ETV6: variants seen among roughly 807,000 people sequenced by gnomAD.
ETV6 encodes transcription factor ETV6.
A neutral mutation model predicts 51.1 loss-of-function variants in ETV6; 16 were observed. That is an observed-to-expected ratio of 0.31 (90% CI 0.21 to 0.48). ETV6 has a LOEUF of 0.48. Ranked by LOEUF, ETV6 falls within the 20% of genes least tolerant of loss-of-function variation. The pLI is 0.99. For missense variants in ETV6, 458 were observed against 594.8 expected (o/e 0.77, Z 2.39); for synonymous variants, 240 against 224.1 (o/e 1.07, Z -0.64).
intron 3 of ETV6, 114 bp from the exon 4 acceptor site, chr12:11,853,313 G>A: frequency 8.1e-7 from 1 of 1,237,732 alleles, no homozygotes; most frequent in Non-Finnish European, 1.2e-6. Context: ...GAGGTGGCAG[G>A]TGCGCTCCAA....
intron 2 of ETV6, among the ~76,000 whole-genome samples, chr12:11,788,807 T>G (rs1945530383): frequency 6.6e-6 from 1 of 150,644 alleles, no homozygotes; most frequent in Non-Finnish European, 1.5e-5. Context: ...TATTTCACTG[T>G]AGGAAATGAC....
At chr12:11,854,977 T>A (rs1054726718) in intron 4 of ETV6, among the ~76,000 whole-genome samples, 2 of 151,950 alleles carry the variant, frequency 1.3e-5, no homozygotes, top group African/African-American at 4.8e-5. Context: ...AGAATAGGTG[T>A]TGGGGCACAG....
chr12:11,880,864 G>T (rs2136580553), intron 5 of ETV6, among the ~76,000 whole-genome samples: 1 of 152,304 alleles, frequency 6.6e-6, no homozygotes, highest in South Asian at 2.1e-4. Context: ...CAATGGAAAT[G>T]ATTGTAAACC....
intron 1 of ETV6, among the ~76,000 whole-genome samples, chr12:11,742,203 C>T (rs1459554493): frequency 6.6e-6 from 1 of 152,208 alleles, no homozygotes; most frequent in African/African-American, 2.4e-5. Context: ...TTGTCATGCA[C>T]ACACACTTCT....
chr12:11,871,848 A>C (rs1338748013), intron 5 of ETV6, among the ~76,000 whole-genome samples: 2 of 152,202 alleles, frequency 1.3e-5, no homozygotes, highest in African/African-American at 4.8e-5. Context: ...AGATTGTTTT[A>C]ATCAGAAAAT....
chr12:11,807,525 G>A (rs1945846942), intron 2 of ETV6, among the ~76,000 whole-genome samples: 1 of 152,178 alleles, frequency 6.6e-6, no homozygotes, highest in Non-Finnish European at 1.5e-5. Flanking sequence ...CAACTGTGCT[G>A]TGAAAACTCA....
intron 5 of ETV6, among the ~76,000 whole-genome samples, chr12:11,877,890 C>T (rs944198016): frequency 2.0e-5 from 3 of 152,170 alleles, no homozygotes; most frequent in African/African-American, 4.8e-5. Flanking sequence ...TTAATTGCTA[C>T]GTGTCACTGT....
intron 1 of ETV6, among the ~76,000 whole-genome samples, chr12:11,713,129 G>T (rs2860431): frequency 0.62 from 94,547 of 151,872 alleles, 29,580 homozygotes; most frequent in Middle Eastern, 0.75. Context: ...CAGGATAGAG[G>T]TGGTCTAGCT....
At chr12:11,821,541 A>G (rs1444929057) in intron 2 of ETV6, among the ~76,000 whole-genome samples, 2 of 152,012 alleles carry the variant, frequency 1.3e-5, no homozygotes, top group East Asian at 3.9e-4. Flanking sequence ...ATTAAGCATC[A>G]AAATGGAGAT....
At chr12:11,690,907 T>TAAATAAATAAATAAAA (rs1241442940) in intron 1 of ETV6, among the ~76,000 whole-genome samples, 2 of 144,140 alleles carry the variant, frequency 1.4e-5, no homozygotes, top group East Asian at 1.9e-4. Flanking sequence ...AATAAATAAA[T>TAAATAAATAAATAAAA]AAAATTATAT....
At position 11,893,841 on chromosome 12, in the gene ETV6, T is replaced by TATATATATACACACAC. The variant is rs1491290450; in HGVS notation, c.*2796_*2797insTATATATACACACACA. The TATATATATACACACAC allele has an allele frequency of 1.7e-5, 1 of 57,308 alleles. No individual in the cohort carries two copies. The highest frequency in any genetic ancestry group is 6.4e-5 in the African/African-American group (1 of 15,662). The allele number at this position is 57,308 out of a possible 1,614,324, so 3.5% of individuals were successfully genotyped here. A position where few individuals can be genotyped will look rare whatever the true frequency, so the allele number is the denominator to read the frequency against. On this transcript the variant is annotated 3_prime_UTR_variant, in exon 8 of 8. Transcript: ENST00000396373. ...ATATATATATATATATATATATATA[T>TATATATATACACACAC]ACACACACACACACATACACAAATA...
rs1389848127 is a variant in ETV6 at position 11,874,139 on chromosome 12, G to T, written c.1009+4170G>T. Among the ~76,000 whole-genome samples, 3 of 56,030 alleles carry T rather than the reference G, an allele frequency of 5.4e-5. 1 individual carries two copies. The highest frequency in any genetic ancestry group is 3.4e-5 in the Non-Finnish European group (1 of 29,402). 36.8% of individuals were successfully genotyped at this position (56,030 alleles called of 152,430 possible). On this transcript the variant is annotated intron_variant, in intron 5 of 7. Transcript: ENST00000396373. ...GCCTGTAATCCCAGTACTTTGGAAG[G>T]CCAAGGCTGGCAGATCACCTGAGGT...
chr12:11,777,410 G>A (rs927165872), intron 2 of ETV6, among the ~76,000 whole-genome samples: 2 of 151,956 alleles, frequency 1.3e-5, no homozygotes, highest in Non-Finnish European at 2.9e-5. Context: ...CTAGGTAGAA[G>A]GATTGTGGGT....
chr12:11,823,533 C>A (rs1591700130), intron 2 of ETV6, among the ~76,000 whole-genome samples: 1 of 147,584 alleles, frequency 6.8e-6, no homozygotes, highest in East Asian at 2.0e-4. Context: ...GTGGTACGAT[C>A]TCTGCTCACT....
In ETV6 at chr12:11,873,802, A is replaced by G. The variant is rs181264375; in HGVS notation, c.1009+3833A>G. ...ATGAAAGAGCTGAGCACAGTTAACT[A>G]TAAAAGCGAAGCACATGACATGTAT... On this transcript the variant is annotated intron_variant, in intron 5 of 7. Transcript: ENST00000396373. 7.7e-4 allele frequency among the ~76,000 whole-genome samples: 86 copies of G among 111,656 alleles called. 34 individuals are homozygous for G. The East Asian group carries it at 0.035, about 46-fold the overall frequency. 73.3% of individuals were successfully genotyped at this position (111,656 alleles called of 152,430 possible).
chr12:11,656,896 C>T (rs991480884), intron 1 of ETV6, among the ~76,000 whole-genome samples: 2 of 151,902 alleles, frequency 1.3e-5, no homozygotes, highest in African/African-American at 2.4e-5. Context: ...TAAACCATCT[C>T]TCATGTACAT....
At position 11,892,811 on chromosome 12, in the gene ETV6, C is replaced by T. The variant is rs576368654; in HGVS notation, c.*1765C>T. ...CACACAGGCAAGAGGAATTTTCCCT[C>T]GGCCTTACTGACAAGGACACCAACC... On this transcript the variant is annotated 3_prime_UTR_variant, in exon 8 of 8. Transcript: ENST00000396373. The T allele has an allele frequency of 1.2e-4, 28 of 232,978 alleles. No homozygotes were observed. Among genetic ancestry groups the T allele is most frequent in the African/African-American group, 5.3e-4 (24 of 45,442 alleles). 14.4% of individuals were successfully genotyped at this position (232,978 alleles called of 1,614,324 possible).
rs1005343121 is a variant in ETV6, at chr12:11,791,211, C to A, written c.163+38632C>A. 2.7e-4 allele frequency among the ~76,000 whole-genome samples: 41 copies of A among 152,264 alleles called. 1 individual carries two copies. The highest frequency in any genetic ancestry group is 2.7e-3 in the Admixed American group (41 of 15,294). ...TCAAGTTTCTGGTTTGTTTTTCTTT[C>A]TTTTTCTCCCCTCCCTCCACCCCCT... On this transcript the variant is annotated intron_variant, in intron 2 of 7. Transcript: ENST00000396373.
intron 2 of ETV6, 28 bp from the exon 3 acceptor site, chr12:11,839,112 T>A (rs1946354509): frequency 6.3e-7 from 1 of 1,599,934 alleles, no homozygotes; most frequent in Non-Finnish European, 8.5e-7. Flanking sequence ...TTTCTCTCTT[T>A]CTTTCTGCCT....
Sources: gnomAD v4.1 joint callset for allele counts (sites outside exome capture counted in the v4.1 genomes callset) on GRCh38, gnomAD v4.1.1 for gene constraint, MANE v1.5 for transcripts, NCBI Gene and HGNC (gene_info 2026-07-23, HGNC 2026-07-21) for gene names.